UIMC1: variants seen among roughly 807,000 people sequenced by gnomAD.
The protein encoded by UIMC1 is BRCA1-A complex subunit RAP80.
A neutral mutation model predicts 84.9 loss-of-function variants in UIMC1; 42 were observed. The observed-to-expected ratio is 0.49, with a 90% CI of 0.39 to 0.64. The LOEUF (loss-of-function observed/expected upper bound fraction) is 0.64, where lower values mean the gene tolerates loss of function less well. UIMC1 is among the 30% of genes least tolerant of loss of function. The probability of loss-of-function intolerance (pLI) is 0.00; values close to 1 mark genes in which losing one functional copy is unlikely to be tolerated. For synonymous variants in UIMC1, 281 were observed against 293.0 expected (o/e 0.96, Z 0.42); for missense variants, 825 against 847.6 (o/e 0.97, Z 0.33).
chr5:177,016,421 G>A (rs1264541549), intron 1 of UIMC1, among the ~76,000 whole-genome samples: 4 of 152,146 alleles, frequency 2.6e-5, no homozygotes, highest in Non-Finnish European at 4.4e-5. Flanking sequence ...GCTGGGCACG[G>A]TGGCTCATGC....
At chr5:176,975,765 A>C (rs1275176953) in intron 2 of UIMC1, among the ~76,000 whole-genome samples, 1 of 152,244 alleles carries the variant, frequency 6.6e-6, no homozygotes, top group Admixed American at 6.5e-5. Flanking sequence ...AAGCATCACC[A>C]AAGATCAGAG....
intron 10 of UIMC1, among the ~76,000 whole-genome samples, chr5:176,911,877 T>C (rs1160810110): frequency 6.6e-6 from 1 of 152,184 alleles, no homozygotes; most frequent in Non-Finnish European, 1.5e-5. Flanking sequence ...ATACAACCAG[T>C]CTTTCCTCAC....
chr5:176,938,327 G>A (rs1457363792), intron 10 of UIMC1, among the ~76,000 whole-genome samples: 1 of 151,910 alleles, frequency 6.6e-6, no homozygotes, highest in Non-Finnish European at 1.5e-5. Flanking sequence ...AAAGCTAAGA[G>A]GAACCAGCAC....
chr5:176,951,462 G>A lies in UIMC1; in HGVS notation c.1443+12C>T. The stretch of plus-strand genomic sequence containing the variant: ...GAAACCACTGAGAAAAAATATAGAG[G>A]AAAATATTCACCTCCTTATCTGCCA... On this transcript the variant is annotated intron_variant, in intron 9 of 14. Coordinates refer to ENST00000511320, the MANE Select transcript of UIMC1 (RefSeq NM_001199298.2). 5 of 1,499,730 alleles carry A rather than the reference G, an allele frequency of 3.3e-6. No individual in the cohort carries two copies. The highest frequency in any genetic ancestry group is 4.4e-6 in the Non-Finnish European group (5 of 1,124,800). 92.9% of individuals were successfully genotyped at this position (1,499,730 alleles called of 1,614,324 possible).
At chr5:176,910,796 A>C (rs1279835180) in intron 11 of UIMC1, among the ~76,000 whole-genome samples, 1 of 150,164 alleles carries the variant, frequency 6.7e-6, no homozygotes, top group African/African-American at 2.5e-5. Flanking sequence ...AGGAATAAGA[A>C]AAAGAAATTC....
intron 2 of UIMC1, among the ~76,000 whole-genome samples, chr5:176,979,539 G>A (rs1020662161): frequency 6.6e-6 from 1 of 151,644 alleles, no homozygotes; most frequent in South Asian, 2.1e-4. Flanking sequence ...GGAGGCGGAC[G>A]TCGCAGTGAG....
At chr5:176,919,443 A>G (rs1045196117) in intron 10 of UIMC1, among the ~76,000 whole-genome samples, 10 of 152,154 alleles carry the variant, frequency 6.6e-5, no homozygotes, top group African/African-American at 2.4e-4. Context: ...TGCTTGTGGT[A>G]TTATATCTAG....
intron 9 of UIMC1, among the ~76,000 whole-genome samples, chr5:176,944,709 A>C (rs1355801862): frequency 1.3e-5 from 2 of 152,208 alleles, no homozygotes; most frequent in African/African-American, 4.8e-5. Context: ...GCTATCTCTA[A>C]AACCTAATGC....
At chr5:177,022,474 G>GT (rs1009804210) in exon 1 of UIMC1, 48 of 457,718 alleles carry the variant, frequency 1.0e-4, no homozygotes, top group Middle Eastern at 5.8e-4. Flanking sequence ...CGTGAGCAAG[G>GT]TGAGAGCCAT....
intron 10 of UIMC1, among the ~76,000 whole-genome samples, chr5:176,925,671 TAA>T (rs1339300121): frequency 6.6e-6 from 1 of 152,118 alleles, no homozygotes; most frequent in Non-Finnish European, 1.5e-5. Flanking sequence ...AAAGATTACA[TAA>T]AAGTATACTG....
At chr5:176,933,626 T>C (rs1561770672) in intron 10 of UIMC1, among the ~76,000 whole-genome samples, 2 of 151,878 alleles carry the variant, frequency 1.3e-5, no homozygotes, top group Non-Finnish European at 2.9e-5. Flanking sequence ...AGCCTCCAAC[T>C]CCTGGGCTCA....
At chr5:176,991,771 A>G (rs1772877657) in intron 1 of UIMC1, among the ~76,000 whole-genome samples, 1 of 151,922 alleles carries the variant, frequency 6.6e-6, no homozygotes, top group South Asian at 2.1e-4. Context: ...AGTCTACTAA[A>G]AATACAAAAA....
At chr5:176,920,305 GGCGTGA>G (rs1234309954) in intron 10 of UIMC1, among the ~76,000 whole-genome samples, 1 of 152,176 alleles carries the variant, frequency 6.6e-6, no homozygotes, top group African/African-American at 2.4e-5. Flanking sequence ...TGGGATTACA[GGCGTGA>G]GCCACCATGC....
chr5:176,963,363 A>G (rs947048873), intron 6 of UIMC1, among the ~76,000 whole-genome samples: 3 of 151,926 alleles, frequency 2.0e-5, no homozygotes, highest in African/African-American at 7.2e-5. Flanking sequence ...TCTACAAAAA[A>G]TACAAAAATT....
intron 1 of UIMC1, among the ~76,000 whole-genome samples, chr5:176,989,702 T>G (rs2085008167): frequency 6.6e-6 from 1 of 151,744 alleles, no homozygotes; most frequent in Non-Finnish European, 1.5e-5. Context: ...TTAAATACAG[T>G]TAACAGAATA....
upstream of UIMC1, among the ~76,000 whole-genome samples, chr5:177,008,485 A>C (rs1775469619): frequency 6.6e-6 from 1 of 152,194 alleles, no homozygotes; most frequent in African/African-American, 2.4e-5. Flanking sequence ...GCCTGTCCTA[A>C]AGCAAACACT....
At chr5:176,993,536 G>T (rs946952946) in intron 1 of UIMC1, among the ~76,000 whole-genome samples, 2 of 151,964 alleles carry the variant, frequency 1.3e-5, no homozygotes, top group African/African-American at 4.8e-5. Context: ...ATCATGGCAC[G>T]AATATACCTA....
At chr5:177,018,668 T>C (rs1775724538) in intron 1 of UIMC1, among the ~76,000 whole-genome samples, 1 of 151,702 alleles carries the variant, frequency 6.6e-6, no homozygotes, top group Non-Finnish European at 1.5e-5. Context: ...CAGCAAGGAG[T>C]CCAGGCCTGG....
chr5:176,951,273 C>A (rs1055017829), intron 9 of UIMC1, among the ~76,000 whole-genome samples: 1 of 152,042 alleles, frequency 6.6e-6, no homozygotes, highest in African/African-American at 2.4e-5. Context: ...TACAAAAGTA[C>A]TCAAGAAATG....
Sources: gnomAD v4.1 joint callset for allele counts (sites outside exome capture counted in the v4.1 genomes callset) on GRCh38, gnomAD v4.1.1 for gene constraint, MANE v1.5 for transcripts, NCBI Gene and HGNC (gene_info 2026-07-23, HGNC 2026-07-21) for gene names.